FAM110B: variants seen among roughly 807,000 people sequenced by gnomAD.
FAM110B encodes the protein family with sequence similarity 110 member B.
FAM110B carries 6 observed loss-of-function variants against 20.4 expected under a neutral mutation model. That is an observed-to-expected ratio of 0.29 (90% CI 0.16 to 0.58). The LOEUF is 0.58. Ranked by LOEUF, FAM110B falls within the 20% of genes least tolerant of loss-of-function variation. The probability of loss-of-function intolerance (pLI) is 0.90; values close to 1 mark genes in which losing one functional copy is unlikely to be tolerated. For synonymous variants in FAM110B, 226 were observed against 214.1 expected (o/e 1.06, Z -0.49); for missense variants, 434 against 498.2 (o/e 0.87, Z 1.23).
rs138227900 is a variant in FAM110B, at chr8:58,119,820, G to A, written c.-324-26087G>A. Reference sequence around the variant, plus strand: ...TGGTACTGACTGCACTCGGCATGCCGCTAAGCGCTCTCTTCAGATTATCTC... The same window carrying A: ...TGGTACTGACTGCACTCGGCATGCCACTAAGCGCTCTCTTCAGATTATCTC... On this transcript the variant is annotated intron_variant, in intron 3 of 3. Coordinates refer to ENST00000519262, the MANE Select transcript of FAM110B (RefSeq NM_001377989.1). Among the ~76,000 whole-genome samples the A allele has an allele frequency of 1.5e-3, 232 of 152,278 alleles. 1 individual carries two copies. Among genetic ancestry groups the A allele is most frequent in the African/African-American group, 5.4e-3 (224 of 41,548 alleles).
chr8:58,019,179 A>T (rs886763039), intron 1 of FAM110B, among the ~76,000 whole-genome samples: 3 of 149,444 alleles, frequency 2.0e-5, no homozygotes, highest in African/African-American at 7.4e-5. Context: ...CACTAAAAAA[A>T]ATATAAACAT....
In FAM110B at chr8:58,148,335, T is replaced by C. The variant is rs1194623398; in HGVS notation, c.*992T>C. 1 of 167,028 alleles carries C rather than the reference T, an allele frequency of 6.0e-6. No homozygotes were observed. Among genetic ancestry groups the C allele is most frequent in the African/African-American group, 2.4e-5 (1 of 41,424 alleles). The allele number at this position is 167,028 out of a possible 1,614,324, so 10.3% of individuals were successfully genotyped here. On this transcript the variant is annotated 3_prime_UTR_variant, in exon 4 of 4. Transcript: ENST00000519262. ...CCAGCCATATCAGTAGAGCCTTCCATTCAAAAGTGAACACACTTGGTAGCT... is the reference window on the plus strand; with the variant it reads ...CCAGCCATATCAGTAGAGCCTTCCACTCAAAAGTGAACACACTTGGTAGCT...
At chr8:58,105,478 A>G (rs1285136992) in intron 3 of FAM110B, among the ~76,000 whole-genome samples, 2 of 150,924 alleles carry the variant, frequency 1.3e-5, no homozygotes, top group Non-Finnish European at 2.9e-5. Flanking sequence ...GTTTGCATTG[A>G]GCCATGATCA....
chr8:58,087,538 T>C (rs966498703), intron 3 of FAM110B, among the ~76,000 whole-genome samples: 7 of 152,184 alleles, frequency 4.6e-5, no homozygotes, highest in East Asian at 1.9e-4. Context: ...AAAGCCAGGA[T>C]ACAAGCTCCT....
At position 58,100,002 on chromosome 8, in the gene FAM110B, C is replaced by G. The variant is rs545488136; in HGVS notation, c.-325+24379C>G. ...CCCATATATCCTGTCAATTTGCCCACTCTTTCTGCCTCCTCCCAAGCCATT... is the reference window on the plus strand; with the variant it reads ...CCCATATATCCTGTCAATTTGCCCAGTCTTTCTGCCTCCTCCCAAGCCATT... On this transcript the variant is annotated intron_variant, in intron 3 of 3. Coordinates refer to ENST00000519262, the MANE Select transcript of FAM110B (RefSeq NM_001377989.1). Among the ~76,000 whole-genome samples the G allele has an allele frequency of 5.3e-5, 8 of 152,270 alleles. No homozygotes were observed. In the South Asian group the frequency reaches 1.0e-3, roughly 20 times the overall value.
At chr8:58,132,930 T>G (rs572424639) in intron 3 of FAM110B, among the ~76,000 whole-genome samples, 1 of 152,170 alleles carries the variant, frequency 6.6e-6, no homozygotes, top group Non-Finnish European at 1.5e-5. Context: ...CTTTGGGGAG[T>G]TATTTTTCTT....
intron 1 of FAM110B, among the ~76,000 whole-genome samples, chr8:58,012,246 TTC>T (rs1804552285): frequency 6.6e-6 from 1 of 151,948 alleles, no homozygotes; most frequent in African/African-American, 2.4e-5. Context: ...AATTTTAATT[TTC>T]TGTTTTCCTG....
intron 3 of FAM110B, among the ~76,000 whole-genome samples, chr8:58,098,366 G>T (rs969486865): frequency 6.6e-6 from 1 of 152,168 alleles, no homozygotes; most frequent in Non-Finnish European, 1.5e-5. Context: ...GCTTATTCAC[G>T]CTTCAGTAAT....
chr8:58,009,962 T>G (rs1366224406), intron 1 of FAM110B, among the ~76,000 whole-genome samples: 1 of 152,164 alleles, frequency 6.6e-6, no homozygotes, highest in Admixed American at 6.5e-5. Context: ...TCTGATCAGG[T>G]CGAAGGCATT....
intron 3 of FAM110B, among the ~76,000 whole-genome samples, chr8:58,112,005 C>T (rs563529500): frequency 2.1e-4 from 32 of 152,266 alleles, no homozygotes; most frequent in African/African-American, 5.5e-4. Context: ...GTACAGTTTA[C>T]AATTATAACA....
chr8:58,080,545 A>G (rs1319473823), intron 3 of FAM110B, among the ~76,000 whole-genome samples: 1 of 152,222 alleles, frequency 6.6e-6, no homozygotes, highest in Non-Finnish European at 1.5e-5. Flanking sequence ...GTGTGGACGC[A>G]GAAAGCACTC....
chr8:58,114,760 A>G (rs1313267462), intron 3 of FAM110B, among the ~76,000 whole-genome samples: 2 of 152,222 alleles, frequency 1.3e-5, no homozygotes, highest in Admixed American at 1.3e-4. Context: ...TCCTGACTTA[A>G]TAATCCTAGG....
chr8:58,058,693 A>T lies in FAM110B; in HGVS notation c.-413-16842A>T, dbSNP rs182101568. Among the ~76,000 whole-genome samples the T allele has an allele frequency of 8.5e-5, 13 of 152,332 alleles. No individual in the cohort carries two copies. In the East Asian group the frequency reaches 2.5e-3, roughly 29 times the overall value. On this transcript the variant is annotated intron_variant, in intron 2 of 3. Coordinates refer to ENST00000519262, the MANE Select transcript of FAM110B (RefSeq NM_001377989.1). ...GATATGCATGATATGCTACATTTAAATAAGACATTGAAAGGTTCAGTGGAA... is the reference window on the plus strand; with the variant it reads ...GATATGCATGATATGCTACATTTAATTAAGACATTGAAAGGTTCAGTGGAA...
At chr8:58,082,044 C>T (rs1563363073) in intron 3 of FAM110B, among the ~76,000 whole-genome samples, 1 of 152,114 alleles carries the variant, frequency 6.6e-6, no homozygotes, top group Non-Finnish European at 1.5e-5. Context: ...ATAAATAAGC[C>T]TTGCCCTCCC....
At chr8:58,114,700 G>A (rs999693636) in intron 3 of FAM110B, among the ~76,000 whole-genome samples, 1 of 152,238 alleles carries the variant, frequency 6.6e-6, no homozygotes, top group African/African-American at 2.4e-5. Context: ...AGCTATCAAT[G>A]TGAGCGCTAG....
chr8:58,037,230 G>A (rs1805092991), intron 2 of FAM110B, among the ~76,000 whole-genome samples: 1 of 151,922 alleles, frequency 6.6e-6, no homozygotes, highest in Admixed American at 6.6e-5. Context: ...TTTAAAAACA[G>A]TACTTTTAGT....
intron 2 of FAM110B, among the ~76,000 whole-genome samples, chr8:58,042,255 A>G (rs1420812445): frequency 1.3e-5 from 2 of 152,246 alleles, no homozygotes; most frequent in African/African-American, 4.8e-5. Context: ...GATTAATTTA[A>G]AAATAGAACA....
chr8:58,032,811 G>A (rs1032320824), intron 2 of FAM110B: 1 of 152,166 alleles, frequency 6.6e-6, no homozygotes, highest in Non-Finnish European at 1.5e-5. Context: ...CTTATCTTGG[G>A]TGGTGGGCAG....
rs148663255 is a variant in FAM110B, at chr8:58,146,692, G to T, written c.462G>T (p.Leu154=). The change falls in exon 4 of 4, where the codon CTG becomes CTT. Residue 154 remains leucine, a synonymous_variant. Coordinates refer to ENST00000519262, the MANE Select transcript of FAM110B (RefSeq NM_001377989.1). ...WPPHRSEATD[L]HRHSFAESLK... ...CCCACCGGTCGGAAGCCACTGACCT[G>T]CACCGTCACTCCTTCGCGGAGTCCC... 83 of 1,612,686 alleles carry T rather than the reference G, an allele frequency of 5.1e-5. No individual in the cohort carries two copies. The African/African-American group carries it at 9.7e-4, about 19-fold the overall frequency.
Sources: allele counts gnomAD v4.1 joint callset (sites outside exome capture counted in the v4.1 genomes callset), GRCh38; gene constraint gnomAD v4.1.1; transcripts MANE v1.5; gene names NCBI Gene and HGNC (gene_info 2026-07-23, HGNC 2026-07-21).